The following GSK3B variants were observed in gnomAD, a reference collection of about 807,000 sequenced individuals.
The protein encoded by GSK3B is glycogen synthase kinase-3 beta.
GSK3B carries 15 observed loss-of-function variants against 56.4 expected under a neutral mutation model. The ratio of observed to expected loss-of-function variants is 0.27; its 90% confidence interval spans 0.18 to 0.41. The LOEUF is 0.41. GSK3B is among the 10% of genes least tolerant of loss of function. The pLI is 1.00. For synonymous variants in GSK3B, 181 were observed against 188.9 expected, an observed-to-expected ratio of 0.96 and a Z score of 0.34; for missense variants, 300 against 513.4, an observed-to-expected ratio of 0.58 and a Z score of 4.02.
At chr3:119,884,384 T>G (rs933052299) in intron 7 of GSK3B, among the ~76,000 whole-genome samples, 1 of 152,140 alleles carries the variant, frequency 6.6e-6, no homozygotes, top group Non-Finnish European at 1.5e-5. Flanking sequence ...TTCAAAGTAC[T>G]GCCAGTGAGA....
chr3:119,963,821 A>C (rs1285717302), intron 2 of GSK3B, among the ~76,000 whole-genome samples: 3 of 152,186 alleles, frequency 2.0e-5, no homozygotes, highest in African/African-American at 7.2e-5. Flanking sequence ...CCATATCCAA[A>C]AGAATGAAAT....
At chr3:119,979,255 A>G (rs545875295) in intron 2 of GSK3B, among the ~76,000 whole-genome samples, 4 of 152,278 alleles carry the variant, frequency 2.6e-5, no homozygotes, top group African/African-American at 9.6e-5. Context: ...TTCTACTTCT[A>G]CCTTAAATCC....
At chr3:120,040,060 C>T (rs984504751) in intron 1 of GSK3B, among the ~76,000 whole-genome samples, 3 of 152,160 alleles carry the variant, frequency 2.0e-5, no homozygotes, top group Admixed American at 6.5e-5. Flanking sequence ...GCCGGCAGCT[C>T]GGGGAAAGGA....
chr3:119,926,764 GCTT>G (rs575483188), intron 3 of GSK3B, among the ~76,000 whole-genome samples: 5 of 152,012 alleles, frequency 3.3e-5, no homozygotes, highest in Non-Finnish European at 5.9e-5. Context: ...GTACTTCAGG[GCTT>G]CTAATTCTTT....
intron 1 of GSK3B, among the ~76,000 whole-genome samples, chr3:120,040,625 G>A (rs1444411935): frequency 6.6e-6 from 1 of 152,016 alleles, no homozygotes; most frequent in East Asian, 1.9e-4. Context: ...AATACGCCAA[G>A]CAAGACAAGA....
At chr3:119,886,865 A>G (rs1205895421) in intron 7 of GSK3B, among the ~76,000 whole-genome samples, 1 of 152,092 alleles carries the variant, frequency 6.6e-6, no homozygotes, top group Admixed American at 6.6e-5. Flanking sequence ...GAGGACAACC[A>G]GAGCAGGAAA....
At chr3:119,982,895 C>A (rs1233308950) in intron 2 of GSK3B, among the ~76,000 whole-genome samples, 1 of 152,128 alleles carries the variant, frequency 6.6e-6, no homozygotes, top group African/African-American at 2.4e-5. Context: ...AACCCCAAGA[C>A]ACATAATTGA....
At chr3:119,919,641 C>T (rs770746107) in intron 4 of GSK3B, among the ~76,000 whole-genome samples, 1 of 150,846 alleles carries the variant, frequency 6.6e-6, no homozygotes, top group Non-Finnish European at 1.5e-5. Context: ...ATTTTATTTT[C>T]TTTTTTAAAA....
chr3:120,076,360 T>C (rs2058367057), intron 1 of GSK3B, among the ~76,000 whole-genome samples: 1 of 151,910 alleles, frequency 6.6e-6, no homozygotes, highest in African/African-American at 2.4e-5. Flanking sequence ...TGAGACTACA[T>C]CAAACTAAAA....
intron 2 of GSK3B, among the ~76,000 whole-genome samples, chr3:119,948,987 C>G (rs2057128960): frequency 6.6e-6 from 1 of 152,240 alleles, no homozygotes; most frequent in African/African-American, 2.4e-5. Flanking sequence ...CAGGCGTGAG[C>G]CACAGCGCCC....
At position 119,869,085 on chromosome 3, in the gene GSK3B, G is replaced by A. The variant is rs975551195; in HGVS notation, c.910-5480C>T. 2.0e-5 allele frequency among the ~76,000 whole-genome samples: 3 copies of A among 151,800 alleles called. No individual in the cohort carries two copies. The South Asian group carries it at 6.3e-4, about 32-fold the overall frequency. On this transcript the variant is annotated intron_variant, in intron 8 of 10. Coordinates refer to ENST00000264235, the MANE Select transcript of GSK3B (RefSeq NM_001146156.2). ...CTAAAAATACAAAAATTAGCCAGGT[G>A]TAGTGGTGGGTGCCTGTAATCCCAG...
intron 8 of GSK3B, among the ~76,000 whole-genome samples, chr3:119,867,355 C>T (rs955422517): frequency 1.3e-5 from 2 of 152,148 alleles, no homozygotes; most frequent in Admixed American, 6.5e-5. Flanking sequence ...CTCAGGAGTG[C>T]GGGTATTAAC....
intron 1 of GSK3B, among the ~76,000 whole-genome samples, chr3:120,044,306 C>T (rs940989477): frequency 1.3e-5 from 2 of 152,198 alleles, no homozygotes; most frequent in Non-Finnish European, 2.9e-5. Flanking sequence ...TAATGGAACA[C>T]AGTGAGCTTA....
chr3:120,080,169 T>C (rs2058406138), intron 1 of GSK3B, among the ~76,000 whole-genome samples: 1 of 152,056 alleles, frequency 6.6e-6, no homozygotes, highest in South Asian at 2.1e-4. Flanking sequence ...CGCACTCCTG[T>C]GGACCCAACT....
chr3:120,087,482 A>C (rs935769398), intron 1 of GSK3B, among the ~76,000 whole-genome samples: 6 of 152,088 alleles, frequency 3.9e-5, no homozygotes, highest in Admixed American at 6.6e-5. Flanking sequence ...CAGTAAGCCC[A>C]GATCACGCCA....
chr3:119,880,249 T>A (rs891019947), intron 7 of GSK3B, among the ~76,000 whole-genome samples: 1 of 152,238 alleles, frequency 6.6e-6, no homozygotes, highest in East Asian at 1.9e-4. Context: ...ATATACCTGT[T>A]TGCCATCTGT....
At chr3:119,893,852 T>C (rs184817256) in intron 7 of GSK3B, among the ~76,000 whole-genome samples, 23 of 151,120 alleles carry the variant, frequency 1.5e-4, no homozygotes, top group Admixed American at 5.9e-4. Context: ...CTTTTACAGA[T>C]AGATGTGCTC....
intron 1 of GSK3B, among the ~76,000 whole-genome samples, chr3:120,010,694 TGTAA>T (rs2057770999): frequency 6.6e-6 from 1 of 152,164 alleles, no homozygotes; most frequent in Admixed American, 6.5e-5. Flanking sequence ...GGCACATGCC[TGTAA>T]GTGAGCCAAG....
intron 7 of GSK3B, among the ~76,000 whole-genome samples, chr3:119,880,499 C>A (rs992177314): frequency 6.6e-6 from 1 of 151,972 alleles, no homozygotes; most frequent in Admixed American, 6.6e-5. Flanking sequence ...CCAATTACCC[C>A]TGTAATAAAA....
Sources: allele counts gnomAD v4.1 joint callset (sites outside exome capture counted in the v4.1 genomes callset), GRCh38; gene constraint gnomAD v4.1.1; transcripts MANE v1.5; gene names NCBI Gene and HGNC (gene_info 2026-07-23, HGNC 2026-07-21).